NEMP2: variants seen among roughly 807,000 people sequenced by gnomAD.
NEMP2 encodes the protein nuclear envelope integral membrane protein 2.
A neutral mutation model predicts 54.2 loss-of-function variants in NEMP2; 53 were observed. That is an observed-to-expected ratio of 0.98 (90% CI 0.78 to 1.23). NEMP2 has a LOEUF of 1.23. Among genes scored for constraint, NEMP2 ranks in the 50% most tolerant of loss-of-function variants. NEMP2 has a pLI of 0.00. For synonymous variants in NEMP2, 197 were observed against 190.3 expected, an observed-to-expected ratio of 1.04 and a Z score of -0.29; for missense variants, 455 against 511.3, an observed-to-expected ratio of 0.89 and a Z score of 1.06.
At chr2:190,434,018 C>T in the NEMP2 span, among the ~76,000 whole-genome samples, 3 of 151,516 alleles carry the variant, frequency 2.0e-5, no homozygotes, top group East Asian at 5.8e-4. This position sits in a 1 kb window ranked among gnomAD's most constrained non-coding sequence, Gnocchi z 4.3. Context: ...TGGCAAAAAC[C>T]CCATCTCTAC....
chr2:190,641,826 G>A, the NEMP2 span, among the ~76,000 whole-genome samples: 48 of 152,290 alleles, frequency 3.2e-4, no homozygotes, highest in East Asian at 6.7e-3. Flanking sequence ...AGATAGAGTT[G>A]CGGAGTTTTA....
the NEMP2 span, among the ~76,000 whole-genome samples, chr2:190,482,903 T>TTTTTTTTTTTTTTTTTTTTTTTG: frequency 3.7e-4 from 32 of 86,248 alleles, 12 homozygotes; most frequent in South Asian, 1.3e-3. Context: ...TTTTTTTTTT[T>TTTTTTTTTTTTTTTTTTTTTTTG]AGACGGAGTC....
chr2:190,465,382 A>G, the NEMP2 span, among the ~76,000 whole-genome samples: 1 of 151,926 alleles, frequency 6.6e-6, no homozygotes, highest in Non-Finnish European at 1.5e-5. The surrounding 1 kb of genome is among the most constrained non-coding windows in gnomAD (Gnocchi z 4.6). Flanking sequence ...TTTGAGTTTT[A>G]TCATTATAGG....
Position 190,508,593 on chromosome 2 carries a change from C to G in NEMP2, c.*596G>C, listed in dbSNP as rs375749291. 1 of 152,252 alleles carries G rather than the reference C, an allele frequency of 6.6e-6. No individual in the cohort carries two copies. The highest frequency in any genetic ancestry group is 1.5e-5 in the Non-Finnish European group (1 of 68,056). 9.4% of individuals were successfully genotyped at this position (152,252 alleles called of 1,614,324 possible). On this transcript the variant is annotated 3_prime_UTR_variant, in exon 9 of 9. Transcript: ENST00000409150. The surrounding 1 kb of genome is among the most constrained non-coding windows in gnomAD (Gnocchi z 4.3). The stretch of plus-strand genomic sequence containing the variant: ...CAAGAAACTGCAGCACACAATTTCT[C>G]CCCTTTGGGAGATTCACAGTGCACA...
At chr2:190,497,234 A>G in the NEMP2 span, among the ~76,000 whole-genome samples, 1 of 152,178 alleles carries the variant, frequency 6.6e-6, no homozygotes, top group South Asian at 2.1e-4. This position sits in a 1 kb window ranked among gnomAD's most constrained non-coding sequence, Gnocchi z 5.2. Flanking sequence ...ATTAAGGCCT[A>G]TAAAGAGACC....
At chr2:190,500,009 C>A, downstream of NEMP2, 1 of 1,614,068 alleles carries the variant, frequency 6.2e-7, no homozygotes, top group South Asian at 1.1e-5. The surrounding 1 kb of genome is among the most constrained non-coding windows in gnomAD (Gnocchi z 5.3). Flanking sequence ...TGTTTTTTAC[C>A]TCCAGGGGAC....
chr2:190,514,539 C>T lies in NEMP2; in HGVS notation c.867G>A (p.Val289=). 6.4e-7 allele frequency: 1 copy of T among 1,551,694 alleles called. No individual in the cohort carries two copies. The change falls in exon 7 of 9, where the codon GTG becomes GTA. Residue 289 remains valine, a synonymous_variant. Transcript: ENST00000409150. This position sits in a 1 kb window ranked among gnomAD's most constrained non-coding sequence, Gnocchi z 5.7. ...TTATGGCTGCATAGGCAAACTGAGG[C>T]ACGGCCACACCAGCATAGACCAGAA... ...SLVLVYAGVA[V]PQFAYAAIIL...
the NEMP2 span, among the ~76,000 whole-genome samples, chr2:190,562,522 A>G: frequency 6.6e-6 from 1 of 152,196 alleles, no homozygotes; most frequent in Non-Finnish European, 1.5e-5. The surrounding 1 kb of genome is among the most constrained non-coding windows in gnomAD (Gnocchi z 5.0). Flanking sequence ...TTGCTTATTG[A>G]TGGATCAATT....
At chr2:190,517,778 G>C (rs998530391) in intron 4 of NEMP2, among the ~76,000 whole-genome samples, 165 bp from the exon 5 acceptor site, 6 of 152,174 alleles carry the variant, frequency 3.9e-5, no homozygotes, top group Non-Finnish European at 8.8e-5. Context: ...ATGGGTACTT[G>C]AAATTTATGG....
the NEMP2 span, among the ~76,000 whole-genome samples, chr2:190,446,629 T>C: frequency 1.3e-5 from 2 of 152,146 alleles, no homozygotes; most frequent in South Asian, 2.1e-4. Context: ...CATTCATTTA[T>C]AAAGAAGCTA....
At chr2:190,460,627 G>T in the NEMP2 span, among the ~76,000 whole-genome samples, 2 of 152,218 alleles carry the variant, frequency 1.3e-5, no homozygotes, top group East Asian at 3.8e-4. Context: ...AATGCAGTCA[G>T]GTTGTAGGTG....
rs1235347676 is a variant in NEMP2 at position 190,533,928 on chromosome 2, C to G, written c.97+631G>C. The stretch of plus-strand genomic sequence containing the variant: ...CCCACTCCGTGGCGAGCCCCTACAG[C>G]TAGCAGCCGCTACCAGTTCTTGCTT... On this transcript the variant is annotated intron_variant, in intron 1 of 8. Coordinates refer to ENST00000409150, the MANE Select transcript of NEMP2 (RefSeq NM_001142645.2). The surrounding 1 kb of genome is among the most constrained non-coding windows in gnomAD (Gnocchi z 4.3). 1.0e-6 allele frequency: 1 copy of G among 971,238 alleles called. No homozygotes were observed. Among genetic ancestry groups the G allele is most frequent in the Non-Finnish European group, 1.2e-6 (1 of 817,110 alleles). The allele number at this position is 971,238 out of a possible 1,614,324, so 60.2% of individuals were successfully genotyped here.
chr2:190,590,244 C>T, the NEMP2 span, among the ~76,000 whole-genome samples: 1 of 152,224 alleles, frequency 6.6e-6, no homozygotes, highest in Non-Finnish European at 1.5e-5. This position sits in a 1 kb window ranked among gnomAD's most constrained non-coding sequence, Gnocchi z 5.1. Flanking sequence ...GTCCATGGGA[C>T]CTCACTGCTG....
At chr2:190,449,896 G>T in the NEMP2 span, among the ~76,000 whole-genome samples, 13 of 152,092 alleles carry the variant, frequency 8.5e-5, no homozygotes, top group Non-Finnish European at 1.3e-4. Flanking sequence ...AATAGCTTTA[G>T]GAGATATACC....
At chr2:190,534,416 G>T (rs1212131213) in intron 1 of NEMP2, 143 bp downstream of exon 1, 1 of 1,219,286 alleles carries the variant, frequency 8.2e-7, no homozygotes, top group African/African-American at 1.6e-5. Context: ...GGCCTGCCCG[G>T]GAGACCCCAA....
the NEMP2 span, among the ~76,000 whole-genome samples, chr2:190,426,943 C>T: frequency 6.6e-6 from 1 of 152,240 alleles, no homozygotes; most frequent in Admixed American, 6.5e-5. The surrounding 1 kb of genome is among the most constrained non-coding windows in gnomAD (Gnocchi z 4.7). Flanking sequence ...CCAAGTTCCT[C>T]ACTCAGCCTC....
the NEMP2 span, among the ~76,000 whole-genome samples, chr2:190,638,986 C>T: frequency 2.6e-5 from 4 of 152,136 alleles, no homozygotes; most frequent in African/African-American, 4.8e-5. This position sits in a 1 kb window ranked among gnomAD's most constrained non-coding sequence, Gnocchi z 5.7. Flanking sequence ...GCCCAGTGAA[C>T]GTCACATTTT....
the NEMP2 span, among the ~76,000 whole-genome samples, chr2:190,478,835 T>TTA: frequency 6.7e-6 from 1 of 149,480 alleles, no homozygotes; most frequent in Non-Finnish European, 1.5e-5. Flanking sequence ...GGGTCTTCCT[T>TTA]AAAAAAAAAA....
the NEMP2 span, among the ~76,000 whole-genome samples, chr2:190,571,461 C>T: frequency 5.3e-5 from 8 of 151,952 alleles, no homozygotes; most frequent in South Asian, 1.5e-3. Flanking sequence ...GAGAATCGCT[C>T]GAACTCAGGA....
Sources: allele counts gnomAD v4.1 joint callset (sites outside exome capture counted in the v4.1 genomes callset), GRCh38; gene constraint gnomAD v4.1.1; non-coding constraint Gnocchi (gnomAD v3.1); transcripts MANE v1.5; gene names NCBI Gene and HGNC (gene_info 2026-07-23, HGNC 2026-07-21).